Variants in DLGAP3 observed in about 807,000 individuals in gnomAD.
DLGAP3 encodes the protein disks large-associated protein 3.
Under a neutral mutation model 81.2 loss-of-function variants are expected in DLGAP3, and 17 were observed. That is an observed-to-expected ratio of 0.21 (90% confidence interval 0.14 to 0.31). DLGAP3 has a LOEUF of 0.31. Ranked by LOEUF, DLGAP3 falls within the 10% of genes least tolerant of loss-of-function variation. DLGAP3 has a pLI of 1.00. For synonymous variants in DLGAP3, 577 were observed against 587.4 expected (o/e 0.98, Z 0.26); for missense variants, 1,124 against 1,388.0 (o/e 0.81, Z 3.02).
At chr1:34,883,300 G>C (rs373887647) in intron 8 of DLGAP3, among the ~76,000 whole-genome samples, 6 of 152,224 alleles carry the variant, frequency 3.9e-5, no homozygotes, top group East Asian at 1.9e-4. Context: ...ATGAATGAAT[G>C]AATCAATCAA....
At chr1:34,885,887 G>T in intron 6 of DLGAP3, 96 bp from the exon 7 acceptor site, 1 of 1,201,652 alleles carries the variant, frequency 8.3e-7, no homozygotes, top group East Asian at 2.6e-5. Flanking sequence ...GAGGCCCTAC[G>T]GGACCCTGCA....
At position 34,867,414 on chromosome 1, in the gene DLGAP3, C is replaced by A; in HGVS notation, c.2577+122G>T. On this transcript the variant is annotated intron_variant, in intron 10 of 11. Transcript: ENST00000373347. This position sits in a 1 kb window ranked among gnomAD's most constrained non-coding sequence, Gnocchi z 4.3. ...CAAGACTCACAGCTACCCCAGAAGG[C>A]ATGCAGGCCTGGTCTCACCTCTGGT... 1 of 1,063,952 alleles carries A rather than the reference C, an allele frequency of 9.4e-7. No individual in the cohort carries two copies. The highest frequency in any genetic ancestry group is 1.5e-6 in the Non-Finnish European group (1 of 682,354). The allele number at this position is 1,063,952 out of a possible 1,614,324, so 65.9% of individuals were successfully genotyped here.
chr1:34,881,595 G>A (rs1319986658), intron 8 of DLGAP3, among the ~76,000 whole-genome samples: 2 of 151,088 alleles, frequency 1.3e-5, no homozygotes, highest in Admixed American at 1.3e-4. Flanking sequence ...CTACATCTAA[G>A]CTGGCTTTTT....
chr1:34,868,581 C>T lies in DLGAP3; in HGVS notation c.2485+24G>A. 1 of 1,600,692 alleles carries T rather than the reference C, an allele frequency of 6.2e-7. No individual in the cohort carries two copies. The highest frequency in any genetic ancestry group is 8.5e-7 in the Non-Finnish European group (1 of 1,169,934). ...CACGAGGCCATGGTCCCCAGAGTCCCCTTGTTCCGATGCCGTGACTCACTC... is the reference window on the plus strand; with the variant it reads ...CACGAGGCCATGGTCCCCAGAGTCCTCTTGTTCCGATGCCGTGACTCACTC... On this transcript the variant is annotated intron_variant, in intron 9 of 11. Coordinates refer to ENST00000373347, the MANE Select transcript of DLGAP3 (RefSeq NM_001080418.3). This position sits in a 1 kb window ranked among gnomAD's most constrained non-coding sequence, Gnocchi z 7.5.
chr1:34,866,336 C>G (rs1236626420), intron 11 of DLGAP3, 35 bp from the exon 12 acceptor site: 1 of 1,471,134 alleles, frequency 6.8e-7, no homozygotes, highest in Non-Finnish European at 9.0e-7. Flanking sequence ...GCTGGGGCGC[C>G]GAACCATCCC....
chr1:34,916,651 ATTTT>A (rs1639719992), intron 1 of DLGAP3, among the ~76,000 whole-genome samples: 1 of 504 alleles, frequency 2.0e-3, no homozygotes, highest in African/African-American at 2.5e-3. Flanking sequence ...TTTATTTTTT[ATTTT>A]ATTTTATTTT....
chr1:34,866,227 G>C lies in DLGAP3; in HGVS notation c.2796C>G (p.Ser932=). 1 of 1,586,318 alleles carries C rather than the reference G, an allele frequency of 6.3e-7. No homozygotes were observed. The highest frequency in any genetic ancestry group is 1.1e-5 in the South Asian group (1 of 88,660). ...RGRGVPVKER[S]LDSVDRQRQE... ...GCCGCTGCCGGTCCACGGAGTCCAG[G>C]GAGCGCTCCTTCACCGGCACGCCCC... is the stretch of plus-strand genomic sequence containing the variant. Residue 932 remains serine, a synonymous_variant, in exon 12 of 12, where the codon TCC becomes TCG. Transcript: ENST00000373347.
chr1:34,905,492 T>C (rs1316119191), intron 2 of DLGAP3, 58 bp from the exon 3 acceptor site: 2 of 1,212,452 alleles, frequency 1.6e-6, no homozygotes, highest in East Asian at 5.2e-5. Context: ...CCTAAAACCA[T>C]CTTTTATTAG....
At chr1:34,903,559 G>A (rs1639496527) in intron 3 of DLGAP3, among the ~76,000 whole-genome samples, 1 of 152,218 alleles carries the variant, frequency 6.6e-6, no homozygotes, top group Non-Finnish European at 1.5e-5. Context: ...AGGAATCAGA[G>A]TTCCTGGCCT....
intron 8 of DLGAP3, among the ~76,000 whole-genome samples, chr1:34,875,921 C>T (rs1426079914): frequency 6.6e-6 from 1 of 152,272 alleles, no homozygotes; most frequent in African/African-American, 2.4e-5. Context: ...CCTGACCCCT[C>T]TGGCAGACTC....
intron 1 of DLGAP3, among the ~76,000 whole-genome samples, chr1:34,910,929 G>A (rs1639629620): frequency 6.6e-6 from 1 of 151,994 alleles, no homozygotes. Flanking sequence ...GCAGGCATTT[G>A]TTGAGTGAAT....
intron 5 of DLGAP3, among the ~76,000 whole-genome samples, chr1:34,888,287 A>T (rs943303220): frequency 6.6e-6 from 1 of 152,206 alleles, no homozygotes; most frequent in Non-Finnish European, 1.5e-5. Context: ...AGCCATTTCT[A>T]TTCCAATCTA....
rs140082671 is a variant in DLGAP3, at chr1:34,902,839, G to A, written c.1107+1438C>T. ...CAGGGCAGCCCTGAAGCAGCAGCAG[G>A]GAGCAGCGAAATGGCAACAAGTCTT... On this transcript the variant is annotated intron_variant, in intron 3 of 11. Coordinates refer to ENST00000373347, the MANE Select transcript of DLGAP3 (RefSeq NM_001080418.3). This position sits in a 1 kb window ranked among gnomAD's most constrained non-coding sequence, Gnocchi z 4.4. Among the ~76,000 whole-genome samples, 1,087 of 152,192 alleles carry A rather than the reference G, an allele frequency of 7.1e-3. 4 individuals are homozygous for A. The highest frequency in any genetic ancestry group is 0.022 in the South Asian group (106 of 4,812).
At position 34,868,793 on chromosome 1, in the gene DLGAP3, G is replaced by A. The variant is rs1027736188; in HGVS notation, c.2297C>T (p.Pro766Leu). The A allele has an allele frequency of 7.6e-6, 12 of 1,584,546 alleles. No homozygotes were observed. The highest frequency in any genetic ancestry group is 1.0e-5 in the Non-Finnish European group (12 of 1,169,886). The change falls in exon 9 of 12, where the codon CCT becomes CTT. Residue 766 changes from proline (P) to leucine (L), a missense_variant. Around this residue, in one of 9 missense-constraint regions of DLGAP3, gnomAD observed 379 missense variants for 455.7 expected, o/e 0.83. Coordinates refer to ENST00000373347, the MANE Select transcript of DLGAP3 (RefSeq NM_001080418.3). This position sits in a 1 kb window ranked among gnomAD's most constrained non-coding sequence, Gnocchi z 7.5. ...CCAGGAGTCACGGCGGCCGGCCCCAGGGCCGGGGGTGGGGGCGGGGGCAGG... is the reference window on the plus strand; with the variant it reads ...CCAGGAGTCACGGCGGCCGGCCCCAAGGCCGGGGGTGGGGGCGGGGGCAGG... ...PGPAPAPTPG[P>L]GAGRRDSWIE... is the part of the protein sequence containing the mutation.
intron 5 of DLGAP3, among the ~76,000 whole-genome samples, chr1:34,887,397 T>G (rs1417744877): frequency 7.0e-6 from 1 of 143,662 alleles, no homozygotes; most frequent in Non-Finnish European, 1.5e-5. Flanking sequence ...TGGTGCAGAA[T>G]CCATGGTGTT....
chr1:34,883,741 G>T (rs1639179562), intron 8 of DLGAP3, among the ~76,000 whole-genome samples: 1 of 151,954 alleles, frequency 6.6e-6, no homozygotes, highest in Admixed American at 6.5e-5. Context: ...AGAACTTCAG[G>T]GAGCCAAATC....
intron 1 of DLGAP3, among the ~76,000 whole-genome samples, chr1:34,910,721 C>T (rs1271136699): frequency 1.3e-5 from 2 of 152,330 alleles, no homozygotes; most frequent in South Asian, 2.1e-4. Flanking sequence ...TCTGGCCTCC[C>T]TGACTAGGTC....
chr1:34,929,242 G>A lies in DLGAP3; in HGVS notation c.-135+209C>T, dbSNP rs1639919943. ...CCGCGGTCCGCGTGGTCCCCTGCCCGCCCCTCGGGTCGGGCCCGCGGGCAG... is the reference window on the plus strand; with the variant it reads ...CCGCGGTCCGCGTGGTCCCCTGCCCACCCCTCGGGTCGGGCCCGCGGGCAG... On this transcript the variant is annotated intron_variant, in intron 1 of 11. Transcript: ENST00000373347. The surrounding 1 kb of genome is among the most constrained non-coding windows in gnomAD (Gnocchi z 6.5). 1.3e-5 allele frequency among the ~76,000 whole-genome samples: 2 copies of A among 151,364 alleles called. No individual in the cohort carries two copies. Among genetic ancestry groups the A allele is most frequent in the Non-Finnish European group, 3.0e-5 (2 of 67,538 alleles).
At chr1:34,908,152 C>A (rs964319941) in intron 1 of DLGAP3, among the ~76,000 whole-genome samples, 1 of 152,222 alleles carries the variant, frequency 6.6e-6, no homozygotes, top group Non-Finnish European at 1.5e-5. Flanking sequence ...GGAACCAAGT[C>A]CTATTCATCT....
Sources: allele counts gnomAD v4.1 joint callset (sites outside exome capture counted in the v4.1 genomes callset), GRCh38; gene constraint gnomAD v4.1.1; regional missense constraint gnomAD v4.1.1; non-coding constraint Gnocchi (gnomAD v3.1); transcripts MANE v1.5; gene names NCBI Gene and HGNC (gene_info 2026-07-23, HGNC 2026-07-21).